The following NRXN3 variants were observed in gnomAD, a reference collection of about 807,000 sequenced individuals.
NRXN3 encodes the protein neurexin 3, also known as neurexin III.
Under a neutral mutation model 137.6 loss-of-function variants are expected in NRXN3, and 32 were observed. The observed-to-expected ratio is 0.23, with a 90% CI of 0.18 to 0.31. The LOEUF is 0.31. NRXN3 is among the 10% of genes least tolerant of loss of function. The probability of loss-of-function intolerance (pLI) is 1.00; values close to 1 mark genes in which losing one functional copy is unlikely to be tolerated. For synonymous variants in NRXN3, 798 were observed against 784.5 expected (o/e 1.02, Z -0.29); for missense variants, 1,574 against 2,062.5 (o/e 0.76, Z 4.59).
At chr14:79,775,495 C>G (rs2099093899) in intron 19 of NRXN3, among the ~76,000 whole-genome samples, 1 of 149,208 alleles carries the variant, frequency 6.7e-6, no homozygotes, top group Non-Finnish European at 1.5e-5. Flanking sequence ...AGATATTCAG[C>G]CTAAGATGGA....
rs116319257 is a variant in NRXN3 at position 78,201,862 on chromosome 14, G to T, written c.-704+31188G>T. Reference sequence around the variant, plus strand: ...TCTTCCATCTTCTCCGATGACGCGCGTCTGAAGTGTGACTCGGAGGCCGCA... The same window carrying T: ...TCTTCCATCTTCTCCGATGACGCGCTTCTGAAGTGTGACTCGGAGGCCGCA... On this transcript the variant is annotated intron_variant, in intron 1 of 20. Transcript: ENST00000335750. 8.5e-5 allele frequency among the ~76,000 whole-genome samples: 13 copies of T among 152,162 alleles called. No homozygotes were observed. In the South Asian group the frequency reaches 1.2e-3, roughly 15 times the overall value.
chr14:78,797,015 CACATAT>C (rs369514504), intron 8 of NRXN3, among the ~76,000 whole-genome samples: 16 of 152,172 alleles, frequency 1.1e-4, no homozygotes, highest in Non-Finnish European at 1.6e-4. Context: ...CTCCAAGTCA[CACATAT>C]ACAACAGACA....
chr14:79,687,740 C>T (rs1432800319), intron 17 of NRXN3, among the ~76,000 whole-genome samples: 1 of 152,108 alleles, frequency 6.6e-6, no homozygotes, highest in Non-Finnish European at 1.5e-5. Flanking sequence ...GTGCTTTCTG[C>T]CAGCCTGGTG....
At chr14:79,454,550 C>G (rs2096231758) in intron 15 of NRXN3, among the ~76,000 whole-genome samples, 1 of 152,120 alleles carries the variant, frequency 6.6e-6, no homozygotes, top group Admixed American at 6.5e-5. Flanking sequence ...TGTATTATTT[C>G]CCAGCAGTTT....
intron 4 of NRXN3, among the ~76,000 whole-genome samples, chr14:78,409,390 G>T (rs1366186061): frequency 6.6e-6 from 1 of 152,200 alleles, no homozygotes; most frequent in African/African-American, 2.4e-5. Flanking sequence ...CATGTACAAG[G>T]CACTATGAGA....
At chr14:79,338,500 G>T (rs1299660311) in intron 15 of NRXN3, among the ~76,000 whole-genome samples, 1 of 152,100 alleles carries the variant, frequency 6.6e-6, no homozygotes, top group African/African-American at 2.4e-5. Context: ...AATCCCACAG[G>T]TCTGGAATGA....
At position 79,219,376 on chromosome 14, in the gene NRXN3, T is replaced by C. The variant is rs369928576; in HGVS notation, c.3262+231235T>C. 5.9e-4 allele frequency among the ~76,000 whole-genome samples: 90 copies of C among 152,264 alleles called. 2 individuals are homozygous for C. In the South Asian group the frequency reaches 0.018, roughly 31 times the overall value. ...AACTCCTGGCCTCAAGCAGCCCTTC[T>C]TCCTTGGCCTCCCAAAGTGTTGGGA... On this transcript the variant is annotated intron_variant, in intron 15 of 20. Transcript: ENST00000335750.
intron 15 of NRXN3, among the ~76,000 whole-genome samples, chr14:79,245,125 A>G (rs955595284): frequency 6.6e-6 from 1 of 152,154 alleles, no homozygotes; most frequent in Admixed American, 6.6e-5. Context: ...AATGATGCCC[A>G]TCTCACAGGG....
At chr14:79,685,993 A>G (rs2098693101) in intron 17 of NRXN3, among the ~76,000 whole-genome samples, 1 of 152,092 alleles carries the variant, frequency 6.6e-6, no homozygotes, top group Non-Finnish European at 1.5e-5. Flanking sequence ...CATAGCCTAT[A>G]AGATATTTGG....
At chr14:78,740,032 A>C (rs897607529) in intron 8 of NRXN3, among the ~76,000 whole-genome samples, 1 of 152,140 alleles carries the variant, frequency 6.6e-6, no homozygotes, top group Non-Finnish European at 1.5e-5. Context: ...GTGCCCTGGC[A>C]TCTCTTAAGT....
At chr14:78,359,109 A>T (rs948772636) in intron 4 of NRXN3, among the ~76,000 whole-genome samples, 1 of 152,168 alleles carries the variant, frequency 6.6e-6, no homozygotes, top group African/African-American at 2.4e-5. Context: ...TAGTAGGGCC[A>T]TTATATATTT....
intron 1 of NRXN3, among the ~76,000 whole-genome samples, chr14:78,208,836 T>C (rs1377750099): frequency 1.3e-5 from 2 of 152,238 alleles, no homozygotes; most frequent in African/African-American, 4.8e-5. Context: ...TGTATTGTTA[T>C]GATTTCCACT....
intron 4 of NRXN3, among the ~76,000 whole-genome samples, chr14:78,486,171 T>A (rs556085970): frequency 1.3e-5 from 2 of 152,318 alleles, no homozygotes; most frequent in East Asian, 3.9e-4. Context: ...TAAATACTGC[T>A]ATAATAAGGA....
At chr14:78,387,235 T>C (rs577411006) in intron 4 of NRXN3, among the ~76,000 whole-genome samples, 3 of 152,218 alleles carry the variant, frequency 2.0e-5, no homozygotes, top group Non-Finnish European at 4.4e-5. Context: ...ATTTACTTAA[T>C]TTGGAGAATG....
intron 15 of NRXN3, among the ~76,000 whole-genome samples, chr14:79,434,303 C>T (rs763016999): frequency 2.6e-4 from 39 of 151,990 alleles, no homozygotes; most frequent in Non-Finnish European, 4.4e-4. Flanking sequence ...CAGCCATGCG[C>T]ACAGGTGCAC....
chr14:78,357,194 A>G (rs766677843), intron 4 of NRXN3, among the ~76,000 whole-genome samples: 1 of 152,194 alleles, frequency 6.6e-6, no homozygotes, highest in African/African-American at 2.4e-5. Context: ...AGGAAGCCTC[A>G]CAATCATGGG....
At chr14:79,656,659 C>T (rs984030811) in intron 16 of NRXN3, among the ~76,000 whole-genome samples, 2 of 147,968 alleles carry the variant, frequency 1.4e-5, no homozygotes, top group Non-Finnish European at 3.0e-5. Flanking sequence ...GGAGCTGTCT[C>T]GAGCTATTTA....
At chr14:78,708,833 A>G (rs1421468928) in intron 6 of NRXN3, among the ~76,000 whole-genome samples, 2 of 152,162 alleles carry the variant, frequency 1.3e-5, no homozygotes, top group Non-Finnish European at 2.9e-5. Flanking sequence ...GCCATCTGCT[A>G]TTGATGGTCA....
intron 19 of NRXN3, among the ~76,000 whole-genome samples, chr14:79,780,663 T>A (rs2099110915): frequency 6.6e-6 from 1 of 152,150 alleles, no homozygotes; most frequent in Non-Finnish European, 1.5e-5. Flanking sequence ...TTCAATACAA[T>A]CTCAATTTAG....
Sources: gnomAD v4.1 joint callset for allele counts (sites outside exome capture counted in the v4.1 genomes callset) on GRCh38, gnomAD v4.1.1 for gene constraint, MANE v1.5 for transcripts, NCBI Gene and HGNC (gene_info 2026-07-23, HGNC 2026-07-21) for gene names.